Variants in MEIS1 observed in about 807,000 individuals in gnomAD.
MEIS1 encodes the protein homeobox protein Meis1.
In MEIS1, 5 loss-of-function variants were observed where a neutral mutation model predicts 50.8. The ratio of observed to expected loss-of-function variants is 0.10; its 90% CI spans 0.05 to 0.21. The LOEUF (loss-of-function observed/expected upper bound fraction) is 0.21. Among genes scored for constraint, MEIS1 ranks in the 10% least tolerant of loss-of-function variants. The pLI, the probability that MEIS1 is intolerant of heterozygous loss-of-function variation, is 1.00. For missense variants in MEIS1, 318 were observed against 517.3 expected (o/e 0.61, Z 3.74); for synonymous variants, 176 against 179.3 (o/e 0.98, Z 0.15).
At chr2:66,566,510 A>T (rs1047359479) in intron 9 of MEIS1, among the ~76,000 whole-genome samples, 1 of 152,056 alleles carries the variant, frequency 6.6e-6, no homozygotes, top group African/African-American at 2.4e-5. Flanking sequence ...TGTCCTCTTC[A>T]TTTTCTGGAT....
intron 7 of MEIS1, among the ~76,000 whole-genome samples, chr2:66,508,003 C>G (rs1673725563): frequency 6.6e-6 from 1 of 152,332 alleles, no homozygotes. Context: ...GCCTCTTTCA[C>G]TAGACCATGG....
At chr2:66,545,994 A>G (rs1221431971) in intron 8 of MEIS1, among the ~76,000 whole-genome samples, 1 of 152,158 alleles carries the variant, frequency 6.6e-6, no homozygotes, top group Non-Finnish European at 1.5e-5. Context: ...TTCCACAAAT[A>G]TTTAGTGATT....
At chr2:66,508,290 A>G (rs954289846) in intron 7 of MEIS1, among the ~76,000 whole-genome samples, 2 of 152,200 alleles carry the variant, frequency 1.3e-5, no homozygotes, top group African/African-American at 4.8e-5. Flanking sequence ...AGAGAGTAGC[A>G]AAGTACTGTA....
At chr2:66,560,552 C>A (rs538463808) in intron 9 of MEIS1, among the ~76,000 whole-genome samples, 29 of 150,248 alleles carry the variant, frequency 1.9e-4, no homozygotes, top group Non-Finnish European at 4.1e-4. Flanking sequence ...CCACTACACT[C>A]CAGCCTGGGC....
intron 6 of MEIS1, 79 bp downstream of exon 6, chr2:66,443,127 C>A: frequency 7.0e-7 from 1 of 1,435,110 alleles, no homozygotes; most frequent in South Asian, 1.4e-5. Flanking sequence ...ACTACCACCT[C>A]CTTTTATTAT....
At chr2:66,480,698 T>C (rs1369012103) in intron 7 of MEIS1, among the ~76,000 whole-genome samples, 2 of 152,212 alleles carry the variant, frequency 1.3e-5, no homozygotes, top group Admixed American at 6.5e-5. Flanking sequence ...ATAACATGTA[T>C]AATCAATAGG....
chr2:66,525,920 T>C (rs1674239723), intron 8 of MEIS1, among the ~76,000 whole-genome samples: 1 of 152,238 alleles, frequency 6.6e-6, no homozygotes, highest in Non-Finnish European at 1.5e-5. Context: ...CAGGTAGCCT[T>C]TGTCAGTAAG....
intron 5 of MEIS1, 79 bp downstream of exon 5, chr2:66,441,543 G>C: frequency 4.3e-6 from 5 of 1,171,914 alleles, no homozygotes; most frequent in Non-Finnish European, 3.5e-6. Context: ...AATGGCTGAA[G>C]TTCAGCCTTC....
chr2:66,561,608 T>C (rs1675214579), intron 9 of MEIS1, among the ~76,000 whole-genome samples: 1 of 152,222 alleles, frequency 6.6e-6, no homozygotes, highest in Non-Finnish European at 1.5e-5. Flanking sequence ...AATAAAAGAT[T>C]ATTATAATCA....
At chr2:66,539,368 AG>A (rs1674595849) in intron 8 of MEIS1, among the ~76,000 whole-genome samples, 1 of 152,228 alleles carries the variant, frequency 6.6e-6, no homozygotes, top group African/African-American at 2.4e-5. Flanking sequence ...TTAAGATAAT[AG>A]TTTTTTTCAT....
intron 8 of MEIS1, among the ~76,000 whole-genome samples, chr2:66,520,336 C>G (rs1007702808): frequency 5.3e-5 from 8 of 151,080 alleles, no homozygotes; most frequent in African/African-American, 1.7e-4. Flanking sequence ...AAAAAATTAG[C>G]CGGGCTTGGT....
chr2:66,452,585 CAA>C (rs1407586546), intron 6 of MEIS1, among the ~76,000 whole-genome samples: 1 of 151,832 alleles, frequency 6.6e-6, no homozygotes, highest in African/African-American at 2.4e-5. Flanking sequence ...TAGCTTCTAA[CAA>C]AGAGAAACAG....
chr2:66,550,074 TCA>T (rs1288539364), intron 9 of MEIS1, among the ~76,000 whole-genome samples: 1 of 152,222 alleles, frequency 6.6e-6, no homozygotes, highest in African/African-American at 2.4e-5. Flanking sequence ...AAGTTTTAAT[TCA>T]CACTCTAAAA....
chr2:66,487,781 G>A (rs777143401), intron 7 of MEIS1, among the ~76,000 whole-genome samples: 4 of 152,134 alleles, frequency 2.6e-5, no homozygotes, highest in Non-Finnish European at 5.9e-5. Context: ...AATGTTTCCC[G>A]TCACTTCTAA....
chr2:66,440,712 G>A (rs1263233153), intron 4 of MEIS1, 100 bp downstream of exon 4: 2 of 775,284 alleles, frequency 2.6e-6, no homozygotes, highest in Non-Finnish European at 4.1e-6. Flanking sequence ...TTTCTAGACC[G>A]GTCTTCCCGT....
chr2:66,435,542 T>G lies in MEIS1; in HGVS notation c.-315T>G. ...GTCTGAGGGGCGCTCTTTTTTTTCC[T>G]TTTCTTTCTTTCTTTCTTTTTTTTT... On this transcript the variant is annotated 5_prime_UTR_variant, in exon 1 of 13. Transcript: ENST00000272369. The G allele has an allele frequency of 4.8e-5, 18 of 378,480 alleles. No homozygotes were observed. The highest frequency in any genetic ancestry group is 1.2e-4 in the East Asian group (3 of 25,808). The allele number at this position is 378,480 out of a possible 1,614,324, so 23.4% of individuals were successfully genotyped here. A position where few individuals can be genotyped will look rare whatever the true frequency, so the allele number is the denominator to read the frequency against.
intron 8 of MEIS1, among the ~76,000 whole-genome samples, chr2:66,532,048 C>G (rs1265468505): frequency 6.6e-6 from 1 of 151,830 alleles, no homozygotes; most frequent in Non-Finnish European, 1.5e-5. Flanking sequence ...TAGTTATAAC[C>G]AGTTTTAGTG....
chr2:66,532,865 CAT>C (rs1259254500), intron 8 of MEIS1, among the ~76,000 whole-genome samples: 1 of 151,704 alleles, frequency 6.6e-6, no homozygotes, highest in African/African-American at 2.4e-5. Context: ...CTTTAGTCTG[CAT>C]ATATATATAT....
intron 12 of MEIS1, 156 bp from the exon 13 acceptor site, chr2:66,571,090 T>G (rs947916331): frequency 4.0e-6 from 3 of 743,104 alleles, no homozygotes; most frequent in Non-Finnish European, 6.1e-6. Flanking sequence ...GTTTCTCATT[T>G]TATTTTCTTC....
Sources: gnomAD v4.1 joint callset for allele counts (sites outside exome capture counted in the v4.1 genomes callset) on GRCh38, gnomAD v4.1.1 for gene constraint, MANE v1.5 for transcripts, NCBI Gene and HGNC (gene_info 2026-07-23, HGNC 2026-07-21) for gene names.